The following NAIP variants were observed in gnomAD, a reference collection of about 807,000 sequenced individuals.
NAIP encodes the protein baculoviral IAP repeat-containing protein 1.
In NAIP, 15 loss-of-function variants were observed where a neutral mutation model predicts 23.0. That is an observed-to-expected ratio of 0.65 (90% CI 0.44 to 1.00). The LOEUF (loss-of-function observed/expected upper bound fraction) is 1.00. Among genes scored for constraint, NAIP ranks in the 50% least tolerant of loss-of-function variants. The probability of loss-of-function intolerance (pLI) is 0.00; values close to 1 mark genes in which losing one functional copy is unlikely to be tolerated. For synonymous variants in NAIP, 100 were observed against 100.2 expected, an observed-to-expected ratio of 1.00 and a Z score of 0.01; for missense variants, 265 against 278.8, an observed-to-expected ratio of 0.95 and a Z score of 0.35.
chr5:70,972,903 T>G (rs1183426862), intron 16 of NAIP, among the ~76,000 whole-genome samples: 1 of 50,018 alleles, frequency 2.0e-5, no homozygotes, highest in Non-Finnish European at 3.5e-5. Flanking sequence ...TTTTTTGTTT[T>G]TTGTTTTTTT....
At chr5:71,015,349 C>A (rs1342834901) in intron 3 of NAIP, among the ~76,000 whole-genome samples, 1 of 149,892 alleles carries the variant, frequency 6.7e-6, no homozygotes, top group Non-Finnish European at 1.5e-5. Flanking sequence ...ACTCACTGTA[C>A]ATTTCATGAA....
At chr5:71,013,761 G>T (rs1487643109) in intron 3 of NAIP, among the ~76,000 whole-genome samples, 2 of 151,374 alleles carry the variant, frequency 1.3e-5, no homozygotes, top group Non-Finnish European at 3.0e-5. Flanking sequence ...ATCCCTGAGG[G>T]GCAGTCACGG....
chr5:71,013,187 C>T (rs1002892435), intron 3 of NAIP, among the ~76,000 whole-genome samples: 2 of 151,442 alleles, frequency 1.3e-5, no homozygotes, highest in African/African-American at 4.9e-5. Flanking sequence ...ATTCATGAAG[C>T]TTTCCAGATA....
In NAIP at chr5:71,013,463, C is replaced by T. The variant is rs1751266691; in HGVS notation, c.-3-545G>A. Among the ~76,000 whole-genome samples the T allele has an allele frequency of 2.0e-5, 3 of 150,036 alleles. 1 individual carries two copies. The highest frequency in any genetic ancestry group is 6.7e-5 in the Admixed American group (1 of 15,032). On this transcript the variant is annotated intron_variant, in intron 3 of 16. Coordinates refer to ENST00000517649, the MANE Select transcript of NAIP (RefSeq NM_004536.3). Reference sequence around the variant, plus strand: ...AACATCCTGGCTAACAAGGTGAAACCCCATCTCTACTAAAACTACAAAAAA... The same window carrying T: ...AACATCCTGGCTAACAAGGTGAAACTCCATCTCTACTAAAACTACAAAAAA...
At chr5:71,011,409 A>T in intron 4 of NAIP, 35 bp from the exon 5 acceptor site, 1 of 1,498,270 alleles carries the variant, frequency 6.7e-7, no homozygotes, top group South Asian at 1.2e-5. Flanking sequence ...ATTGCCTGGC[A>T]GTGGCACCAG....
intron 5 of NAIP, among the ~76,000 whole-genome samples, chr5:71,008,789 G>A (rs1751000944): frequency 1.1e-5 from 1 of 89,256 alleles, no homozygotes; most frequent in Non-Finnish European, 2.0e-5. Flanking sequence ...GGGCAACAGA[G>A]TGAGACTGTC....
intron 4 of NAIP, 133 bp from the exon 5 acceptor site, chr5:71,011,507 CTCCA>C (rs1391461926): frequency 2.7e-6 from 2 of 745,072 alleles, no homozygotes; most frequent in Admixed American, 5.7e-5. Context: ...TGGCCTGAGT[CTCCA>C]TCCTCAATCC....
intron 3 of NAIP, among the ~76,000 whole-genome samples, chr5:71,016,257 A>C (rs2856280): frequency 6.8e-6 from 1 of 146,250 alleles, no homozygotes; most frequent in South Asian, 2.2e-4. Context: ...TTGCAGTACT[A>C]TACTCCAGCC....
chr5:70,978,149 ATTTTT>A (rs71223138), intron 13 of NAIP, among the ~76,000 whole-genome samples: 916 of 23,676 alleles, frequency 0.039, 2 homozygotes, highest in African/African-American at 0.06. Flanking sequence ...ATATATATAT[ATTTTT>A]TTTTTTTTTT....
rs963487312 is a variant in NAIP at position 70,970,228 on chromosome 5, CT to C, written c.4087del (p.Ser1363ValfsTer15). The C allele has an allele frequency of 3.4e-6, 1 of 293,230 alleles. No individual in the cohort carries two copies. The highest frequency in any genetic ancestry group is 7.9e-5 in the African/African-American group (1 of 12,704). The allele number at this position is 293,230 out of a possible 1,614,324, so 18.2% of individuals were successfully genotyped here. A position where few individuals can be genotyped will look rare whatever the true frequency, so the allele number is the denominator to read the frequency against. ...LPRLIRLNML[S>X]WLLDADDIAL... The stretch of plus-strand genomic sequence containing the variant: ...AATATCATCTGCATCCAAGAGCCAA[CT>C]TAACATGTTCAGTCTAATGAGCCTT... On this transcript the variant is annotated frameshift_variant, in exon 17 of 17. Transcript: ENST00000517649. LOFTEE classifies it high-confidence loss of function.
chr5:70,979,588 AATAATAAT>A (rs1750471357), intron 13 of NAIP, among the ~76,000 whole-genome samples: 1 of 21,324 alleles, frequency 4.7e-5, no homozygotes, highest in Admixed American at 4.9e-4. Flanking sequence ...AAAAAAAAAT[AATAATAAT>A]AATAATAATA....
chr5:71,012,487 C>T lies in NAIP; in HGVS notation c.429G>A (p.Lys143=). Residue 143 remains lysine (K), a synonymous_variant, in exon 4 of 17, where the codon AAG becomes AAA. Transcript: ENST00000517649. ...GNIAKYDIRV[K]NLKSRLRGGK... The stretch of plus-strand genomic sequence containing the variant: ...CTCCTCTCAGCCTGCTCTTCAGATT[C>T]TTCACCCTTATGTCGTACTTGGCAA... 1 of 1,611,740 alleles carries T rather than the reference C, an allele frequency of 6.2e-7. No homozygotes were observed. Among genetic ancestry groups the T allele is most frequent in the Middle Eastern group, 1.6e-4 (1 of 6,062 alleles).
intron 3 of NAIP, among the ~76,000 whole-genome samples, chr5:71,014,359 C>G (rs1186477597): frequency 6.6e-6 from 1 of 151,242 alleles, no homozygotes; most frequent in Non-Finnish European, 1.5e-5. Flanking sequence ...TGGCTTCCCA[C>G]TCTTGTCCTT....
chr5:71,012,652 G>T lies in NAIP; in HGVS notation c.264C>A (p.Phe88Leu), dbSNP rs780916759. 1 of 1,611,966 alleles carries T rather than the reference G, an allele frequency of 6.2e-7. No homozygotes were observed. Among genetic ancestry groups the T allele is most frequent in the Non-Finnish European group, 8.5e-7 (1 of 1,178,488 alleles). Residue 88 changes from phenylalanine to leucine, a missense_variant, in exon 4 of 17, where the codon TTC (phenylalanine) becomes TTA (leucine). Coordinates refer to ENST00000517649, the MANE Select transcript of NAIP (RefSeq NM_004536.3). ...ACTGAATCCCAGATTTTACCCCAGT[G>T]AAGTAAAACCCAGCGGCCGCCATCT... ...PQEMAAAGFY[F>L]TGVKSGIQCF... is the part of the protein sequence containing the mutation.
intron 16 of NAIP, among the ~76,000 whole-genome samples, chr5:70,973,454 AC>A (rs1750260585): frequency 4.8e-5 from 1 of 21,026 alleles, no homozygotes; most frequent in African/African-American, 1.8e-4. Context: ...TTCCTCCTCT[AC>A]CAACTATGCC....
Position 70,969,864 on chromosome 5 carries a change from AT to A in NAIP, c.*239del. 1.8e-6 allele frequency: 1 copy of A among 550,418 alleles called. No homozygotes were observed. The highest frequency in any genetic ancestry group is 3.3e-6 in the Non-Finnish European group (1 of 306,154). The allele number at this position is 550,418 out of a possible 1,614,324, so 34.1% of individuals were successfully genotyped here. A position where few individuals can be genotyped will look rare whatever the true frequency, so the allele number is the denominator to read the frequency against. ...AAGGGTTTGCCTTTAGCTGGGGTGGATTACTCAGGGACCTCAAAGGTATTGG... is the reference window on the plus strand; with the variant it reads ...AAGGGTTTGCCTTTAGCTGGGGTGGATACTCAGGGACCTCAAAGGTATTGG... On this transcript the variant is annotated 3_prime_UTR_variant, in exon 17 of 17. Transcript: ENST00000517649.
intron 3 of NAIP, among the ~76,000 whole-genome samples, chr5:71,014,490 T>C (rs1751342659): frequency 6.6e-6 from 1 of 151,646 alleles, no homozygotes; most frequent in Non-Finnish European, 1.5e-5. Flanking sequence ...ATTCTAAGCC[T>C]TGCATTTTAG....
chr5:70,979,580 A>AT (rs1750462339), intron 13 of NAIP, among the ~76,000 whole-genome samples: 1 of 46,504 alleles, frequency 2.2e-5, no homozygotes. Context: ...CTCAAAAAAA[A>AT]AAAAAATAAT....
chr5:70,978,008 G>A (rs1489114414), intron 13 of NAIP, among the ~76,000 whole-genome samples: 3 of 113,456 alleles, frequency 2.6e-5, no homozygotes, highest in Non-Finnish European at 3.9e-5. Context: ...AAAAAAAAAA[G>A]AAACATAAAA....
Sources: allele counts gnomAD v4.1 joint callset (sites outside exome capture counted in the v4.1 genomes callset), GRCh38; gene constraint gnomAD v4.1.1; transcripts MANE v1.5; gene names NCBI Gene and HGNC (gene_info 2026-07-23, HGNC 2026-07-21).